Variants in KLHL32 observed in about 807,000 individuals in gnomAD.
The protein encoded by KLHL32 is kelch-like protein 32.
A neutral mutation model predicts 64.8 loss-of-function variants in KLHL32; 35 were observed. The ratio of observed to expected loss-of-function variants is 0.54; its 90% CI spans 0.41 to 0.72. The LOEUF (loss-of-function observed/expected upper bound fraction) is 0.72. Among genes scored for constraint, KLHL32 ranks in the 30% least tolerant of loss-of-function variants. KLHL32 has a pLI of 0.00. For missense variants in KLHL32, 589 were observed against 768.5 expected, an observed-to-expected ratio of 0.77 and a Z score of 2.76; for synonymous variants, 259 against 281.0, an observed-to-expected ratio of 0.92 and a Z score of 0.78.
chr6:97,111,034 G>GGT (rs1554243704), intron 6 of KLHL32, among the ~76,000 whole-genome samples: 1 of 148,494 alleles, frequency 6.7e-6, no homozygotes, highest in Admixed American at 6.6e-5. Flanking sequence ...AAGTCTTGGG[G>GGT]GGGGGGGGTC....
intron 3 of KLHL32, among the ~76,000 whole-genome samples, chr6:97,013,449 TAGAA>T (rs771429152): frequency 6.6e-6 from 1 of 152,136 alleles, no homozygotes. Flanking sequence ...TGGCAGTGCT[TAGAA>T]AGGAATAAAA....
chr6:97,025,132 C>T, intron 3 of KLHL32: 2 of 983,830 alleles, frequency 2.0e-6, no homozygotes, highest in Non-Finnish European at 2.4e-6. Flanking sequence ...ACATCTGATC[C>T]TGTGAGCCTG....
At chr6:96,900,300 T>C in the KLHL32 span, among the ~76,000 whole-genome samples, 1 of 152,172 alleles carries the variant, frequency 6.6e-6, no homozygotes, top group Non-Finnish European at 1.5e-5. Flanking sequence ...ATTTGCATTG[T>C]TTTTCATTTT....
intron 7 of KLHL32, 166 bp downstream of exon 7, chr6:97,114,675 G>C: frequency 1.3e-6 from 1 of 742,242 alleles, no homozygotes; most frequent in South Asian, 1.8e-5. Context: ...AGAGAGCAAT[G>C]TAATTGGAAA....
intron 1 of KLHL32, among the ~76,000 whole-genome samples, chr6:96,954,931 AC>A (rs1358034659): frequency 2.6e-5 from 4 of 152,212 alleles, no homozygotes; most frequent in Non-Finnish European, 5.9e-5. Flanking sequence ...AGCTTAAACA[AC>A]AAGTATATTT....
At chr6:97,037,491 A>G (rs1279532459) in intron 3 of KLHL32, among the ~76,000 whole-genome samples, 1 of 152,194 alleles carries the variant, frequency 6.6e-6, no homozygotes, top group East Asian at 1.9e-4. Flanking sequence ...GAAGTAAAAT[A>G]TCTATACAAG....
Position 96,963,538 on chromosome 6 carries a change from C to A in KLHL32, c.-65-3458C>A, listed in dbSNP as rs146660369. Among the ~76,000 whole-genome samples, 29 of 152,228 alleles carry A rather than the reference C, an allele frequency of 1.9e-4. 2 individuals carry two copies. In the East Asian group the frequency reaches 5.6e-3, roughly 29 times the overall value. ...TGCTGGTTCTCAATGGCTTTTAGGT[C>A]AAAATGATCCCTGTGCTGAGGAGGC... On this transcript the variant is annotated intron_variant, in intron 1 of 10. Coordinates refer to ENST00000369261, the MANE Select transcript of KLHL32 (RefSeq NM_052904.4).
chr6:97,063,070 T>A (rs1444318295), intron 4 of KLHL32, among the ~76,000 whole-genome samples: 1 of 152,182 alleles, frequency 6.6e-6, no homozygotes, highest in African/African-American at 2.4e-5. Context: ...CTTCAGAAAG[T>A]TCTGAATAAA....
intron 6 of KLHL32, among the ~76,000 whole-genome samples, chr6:97,111,855 A>T (rs1192863576): frequency 6.6e-6 from 1 of 152,098 alleles, no homozygotes; most frequent in African/African-American, 2.4e-5. Flanking sequence ...CTTCCCCTGA[A>T]GTCTGGCCAT....
chr6:96,975,491 C>G (rs1274370033), intron 2 of KLHL32, among the ~76,000 whole-genome samples: 2 of 152,102 alleles, frequency 1.3e-5, no homozygotes, highest in Non-Finnish European at 2.9e-5. Flanking sequence ...AACATTTGCT[C>G]AGTTTTCTTG....
In KLHL32 at chr6:96,956,489, T is replaced by A. The variant is rs147327600; in HGVS notation, c.-65-10507T>A. Among the ~76,000 whole-genome samples, 7 of 152,286 alleles carry A rather than the reference T, an allele frequency of 4.6e-5. 1 individual carries two copies. The East Asian group carries it at 1.2e-3, about 25-fold the overall frequency. ...ATTTTACAAAACTGTAGCTTGGAGGTCTCCATATCTTTGAGTGTGTTGTGC... is the reference window on the plus strand; with the variant it reads ...ATTTTACAAAACTGTAGCTTGGAGGACTCCATATCTTTGAGTGTGTTGTGC... On this transcript the variant is annotated intron_variant, in intron 1 of 10. Transcript: ENST00000369261.
chr6:96,929,290 T>C (rs1192866793), intron 1 of KLHL32, among the ~76,000 whole-genome samples: 2 of 152,212 alleles, frequency 1.3e-5, no homozygotes, highest in African/African-American at 4.8e-5. Context: ...GATTTGCTCT[T>C]CACAGATATA....
chr6:96,988,985 A>G (rs553715911), intron 3 of KLHL32, among the ~76,000 whole-genome samples: 57 of 152,332 alleles, frequency 3.7e-4, no homozygotes, highest in African/African-American at 1.3e-3. Context: ...GGATAGCATT[A>G]GGAGATATAC....
intron 5 of KLHL32, among the ~76,000 whole-genome samples, chr6:97,084,494 AAAC>A (rs1186502172): frequency 1.3e-5 from 2 of 152,216 alleles, no homozygotes; most frequent in African/African-American, 4.8e-5. Flanking sequence ...GCTGAGAAAA[AAAC>A]AAAGAACAAT....
chr6:97,121,317 TA>T (rs1253791264), intron 7 of KLHL32, among the ~76,000 whole-genome samples: 1 of 152,156 alleles, frequency 6.6e-6, no homozygotes, highest in East Asian at 1.9e-4. Flanking sequence ...GCTTAAATTG[TA>T]AAAAAGAACT....
intron 7 of KLHL32, among the ~76,000 whole-genome samples, chr6:97,117,466 CTCCCCCATTTTGG>C (rs1472283169): frequency 6.6e-6 from 1 of 152,188 alleles, no homozygotes; most frequent in Non-Finnish European, 1.5e-5. Context: ...CTCCACACCT[CTCCCCCATTTTGG>C]TCCATTTTGG....
At chr6:97,087,307 A>T (rs912046320) in intron 6 of KLHL32, among the ~76,000 whole-genome samples, 1 of 152,322 alleles carries the variant, frequency 6.6e-6, no homozygotes, top group East Asian at 1.9e-4. Flanking sequence ...AGTTAAGTTC[A>T]TCATTTTTGC....
At chr6:97,076,488 AC>A (rs1342818941) in intron 5 of KLHL32, among the ~76,000 whole-genome samples, 3 of 152,178 alleles carry the variant, frequency 2.0e-5, no homozygotes, top group African/African-American at 7.2e-5. Context: ...GAAAAGATTA[AC>A]CACTTCCTGA....
At chr6:96,937,026 A>AT (rs556684107) in intron 1 of KLHL32, among the ~76,000 whole-genome samples, 1 of 151,174 alleles carries the variant, frequency 6.6e-6, no homozygotes, top group Non-Finnish European at 1.5e-5. Context: ...CTTACCCTGT[A>AT]TTTTTTTCCC....
Sources: gnomAD v4.1 joint callset for allele counts (sites outside exome capture counted in the v4.1 genomes callset) on GRCh38, gnomAD v4.1.1 for gene constraint, MANE v1.5 for transcripts, NCBI Gene and HGNC (gene_info 2026-07-23, HGNC 2026-07-21) for gene names.